ZNF211: variants seen among roughly 807,000 people sequenced by gnomAD.
The protein encoded by ZNF211 is zinc finger protein 211, also known as zinc finger protein C2H2-25.
Under a neutral mutation model 12.1 loss-of-function variants are expected in ZNF211, and 18 were observed. The observed-to-expected ratio is 1.48, with a 90% CI of 1.03 to 2.20. The LOEUF is 2.20. ZNF211 is among the 30% of genes most tolerant of loss of function. The pLI, the probability that ZNF211 is intolerant of heterozygous loss-of-function variation, is 0.00. For synonymous variants in ZNF211, 249 were observed against 246.0 expected, an observed-to-expected ratio of 1.01 and a Z score of -0.11; for missense variants, 677 against 703.1, an observed-to-expected ratio of 0.96 and a Z score of 0.42.
rs1983152622 is a variant in ZNF211 at position 57,642,939 on chromosome 19, T to C, written c.*758T>C. Among the ~76,000 whole-genome samples, 1 of 152,162 alleles carries C rather than the reference T, an allele frequency of 6.6e-6. No homozygotes were observed. Among genetic ancestry groups the C allele is most frequent in the Non-Finnish European group, 1.5e-5 (1 of 68,036 alleles). On this transcript the variant is annotated 3_prime_UTR_variant, in exon 4 of 4. Transcript: ENST00000240731. Reference sequence around the variant, plus strand: ...CTTTCCAGCTTTGGCCTAATCTGAATTTGAATTATTGCCCAAGGCCTTCTA... The same window carrying C: ...CTTTCCAGCTTTGGCCTAATCTGAACTTGAATTATTGCCCAAGGCCTTCTA...
At position 57,633,451 on chromosome 19, in the gene ZNF211, C is replaced by G. The variant is rs752053466; in HGVS notation, c.90+15C>G. 7.6e-6 allele frequency: 12 copies of G among 1,585,616 alleles called. No individual in the cohort carries two copies. The highest frequency in any genetic ancestry group is 6.7e-5 in the East Asian group (3 of 44,448). ...ACCCGGCTTCGGTGAGCGCTGCGAT[C>G]TCCGGGCCTCCCCCGGCCGAGATTC... On this transcript the variant is annotated intron_variant, in intron 1 of 3. Coordinates refer to ENST00000240731, the MANE Select transcript of ZNF211 (RefSeq NM_006385.5).
rs549369940 is a variant in ZNF211, at chr19:57,643,710, T to C, written c.*1529T>C. Among the ~76,000 whole-genome samples, 18 of 152,314 alleles carry C rather than the reference T, an allele frequency of 1.2e-4. No homozygotes were observed. Among genetic ancestry groups the C allele is most frequent in the African/African-American group, 3.8e-4 (16 of 41,568 alleles). On this transcript the variant is annotated 3_prime_UTR_variant, in exon 4 of 4. Transcript: ENST00000240731. The stretch of plus-strand genomic sequence containing the variant: ...CATTATAATTATTACAATGAACATA[T>C]CAGTCACCTCGGATTTACCTCAGGC...
intron 1 of ZNF211, 100 bp downstream of exon 1, chr19:57,633,536 AGGCTCGT>A: frequency 6.7e-7 from 1 of 1,495,456 alleles, no homozygotes; most frequent in African/African-American, 1.4e-5. Flanking sequence ...GGGGACACTG[AGGCTCGT>A]GGGTGGGGCC....
chr19:57,634,930 G>A (rs571301503), intron 3 of ZNF211, 175 bp downstream of exon 3: 4 of 985,416 alleles, frequency 4.1e-6, no homozygotes, highest in African/African-American at 3.5e-5. Flanking sequence ...CAGCCCAAAA[G>A]CATCTTGGGT....
At chr19:57,634,137 T>G in intron 2 of ZNF211, 76 bp downstream of exon 2, 2 of 1,464,904 alleles carry the variant, frequency 1.4e-6, no homozygotes, top group South Asian at 2.9e-5. Context: ...TTTCTTTAGA[T>G]TTGTGGTGTC....
rs1426756552 is a variant in ZNF211 at position 57,641,209 on chromosome 19, A to G, written c.762A>G (p.Ile254Met). ...WGKCSKAFSH[I>M]DTLVQDQRIL... ...AATGCAGTAAAGCCTTTAGCCACAT[A>G]GACACACTTGTTCAGGACCAGAGAA... is the stretch of plus-strand genomic sequence containing the variant. Residue 254 changes from isoleucine (I) to methionine (M), a missense_variant, in exon 4 of 4, where the codon ATA (isoleucine) becomes ATG (methionine). Physicochemically the swap from Ile to Met is conservative, Grantham distance 10 (BLOSUM62 1). Coordinates refer to ENST00000240731, the MANE Select transcript of ZNF211 (RefSeq NM_006385.5). The G allele has an allele frequency of 1.9e-6, 3 of 1,614,100 alleles. No homozygotes were observed. Among genetic ancestry groups the G allele is most frequent in the Admixed American group, 3.3e-5 (2 of 60,008 alleles).
chr19:57,639,115 G>A (rs1351298308), intron 3 of ZNF211, among the ~76,000 whole-genome samples: 1 of 151,866 alleles, frequency 6.6e-6, no homozygotes, highest in Non-Finnish European at 1.5e-5. Flanking sequence ...CAAATCTCTT[G>A]TAGACATCAT....
At position 57,641,559 on chromosome 19, in the gene ZNF211, A is replaced by C; in HGVS notation, c.1112A>C (p.Gln371Pro). The C allele has an allele frequency of 1.2e-6, 2 of 1,614,036 alleles. No individual in the cohort carries two copies. The highest frequency in any genetic ancestry group is 1.7e-6 in the Non-Finnish European group (2 of 1,180,016). Residue 371 changes from glutamine (Q) to proline (P), a missense_variant, in exon 4 of 4, where the codon CAG becomes CCG. Gln to Pro is a moderately conservative substitution (Grantham distance 76). Transcript: ENST00000240731. ...KSFSQRSNLM[Q>P]HRRVHTGERP... is the part of the protein sequence containing the mutation. ...TTTAGCCAAAGGTCCAACCTCATGC[A>C]GCATCGCAGAGTTCACACTGGAGAA...
At chr19:57,635,220 TC>T (rs1421056623) in intron 3 of ZNF211, among the ~76,000 whole-genome samples, 1 of 152,246 alleles carries the variant, frequency 6.6e-6, no homozygotes, top group Non-Finnish European at 1.5e-5. Context: ...GAAACCTCCT[TC>T]AAGGTGTTTT....
At chr19:57,636,378 G>A (rs915200606) in intron 3 of ZNF211, among the ~76,000 whole-genome samples, 7 of 152,088 alleles carry the variant, frequency 4.6e-5, no homozygotes, top group African/African-American at 1.4e-4. Flanking sequence ...CTTACATTCA[G>A]ATCTTTGATC....
chr19:57,633,382 G>A lies in ZNF211; in HGVS notation c.36G>A (p.Pro12=), dbSNP rs370362787. The change falls in exon 1 of 4, where the codon CCG becomes CCA. Residue 12 remains proline, a synonymous_variant. Coordinates refer to ENST00000240731, the MANE Select transcript of ZNF211 (RefSeq NM_006385.5). ...LGFPPGRPQL[P]VQLRPQTRMA... ...TCCCCCCGGGTCGCCCGCAGCTCCC[G>A]GTCCAGCTCCGCCCACAGACTCGGA... 1.2e-5 allele frequency: 19 copies of A among 1,603,330 alleles called. No homozygotes were observed. The highest frequency in any genetic ancestry group is 1.5e-5 in the Non-Finnish European group (18 of 1,177,812).
chr19:57,633,823 G>A (rs1228800595), intron 1 of ZNF211, 200 bp from the exon 2 acceptor site: 1 of 1,584,260 alleles, frequency 6.3e-7, no homozygotes, highest in Non-Finnish European at 8.5e-7. Context: ...AGATGGATGA[G>A]GACGTTGAGG....
At chr19:57,638,617 T>C (rs1482817715) in intron 3 of ZNF211, among the ~76,000 whole-genome samples, 2 of 152,232 alleles carry the variant, frequency 1.3e-5, no homozygotes, top group Non-Finnish European at 2.9e-5. Context: ...TGTGTCTAAA[T>C]CAAATGAGGC....
intron 1 of ZNF211, 98 bp downstream of exon 1, chr19:57,633,534 T>C (rs1215215454): frequency 1.3e-6 from 2 of 1,496,030 alleles, no homozygotes; most frequent in East Asian, 2.4e-5. Context: ...TCGGGGACAC[T>C]GAGGCTCGTG....
chr19:57,635,256 A>G (rs1283076256), intron 3 of ZNF211, among the ~76,000 whole-genome samples: 1 of 152,252 alleles, frequency 6.6e-6, no homozygotes, highest in Non-Finnish European at 1.5e-5. Flanking sequence ...TGTAAAATAT[A>G]TATAACAAAA....
Position 57,641,311 on chromosome 19 carries a change from C to G in ZNF211, c.864C>G (p.His288Gln). ...ACTRRCNLIQ[H>Q]QKVHSEERPY... ...CGCGAAGATGTAACCTCATTCAGCA[C>G]CAGAAAGTCCACAGTGAAGAAAGGC... Residue 288 changes from histidine to glutamine, a missense_variant, in exon 4 of 4, where the codon CAC (histidine) becomes CAG (glutamine). Physicochemically the swap from His to Gln is conservative, Grantham distance 24. Coordinates refer to ENST00000240731, the MANE Select transcript of ZNF211 (RefSeq NM_006385.5). 1 of 1,614,134 alleles carries G rather than the reference C, an allele frequency of 6.2e-7. No homozygotes were observed. Among genetic ancestry groups the G allele is most frequent in the Non-Finnish European group, 8.5e-7 (1 of 1,180,032 alleles).
intron 2 of ZNF211, 91 bp downstream of exon 2, chr19:57,634,152 G>A (rs1981841068): frequency 7.2e-7 from 1 of 1,379,980 alleles, no homozygotes; most frequent in South Asian, 1.5e-5. Flanking sequence ...GGTGTCATGG[G>A]ACTCACCTAC....
intron 3 of ZNF211, among the ~76,000 whole-genome samples, chr19:57,636,517 T>C (rs1982164514): frequency 2.0e-5 from 3 of 152,198 alleles, no homozygotes. Context: ...AAAAATCATT[T>C]GGCCAGATAT....
At chr19:57,634,593 G>C in intron 2 of ZNF211, 36 bp from the exon 3 acceptor site, 1 of 1,497,888 alleles carries the variant, frequency 6.7e-7, no homozygotes, top group East Asian at 2.5e-5. Flanking sequence ...TCCAAATTGA[G>C]ACTGTTCATG....
Sources: allele counts gnomAD v4.1 joint callset (sites outside exome capture counted in the v4.1 genomes callset), GRCh38; gene constraint gnomAD v4.1.1; transcripts MANE v1.5; gene names NCBI Gene and HGNC (gene_info 2026-07-23, HGNC 2026-07-21).